CYFIP1: variants seen among roughly 807,000 people sequenced by gnomAD.
The protein encoded by CYFIP1 is cytoplasmic FMR1 interacting protein 1.
CYFIP1 carries 58 observed loss-of-function variants against 163.5 expected under a neutral mutation model. The observed-to-expected ratio is 0.35, with a 90% CI of 0.29 to 0.44. The LOEUF is 0.44. Ranked by LOEUF, CYFIP1 falls within the 20% of genes least tolerant of loss-of-function variation. The pLI, the probability that CYFIP1 is intolerant of heterozygous loss-of-function variation, is 1.00. For missense variants in CYFIP1, 1,338 were observed against 1,653.8 expected (o/e 0.81, Z 3.31); for synonymous variants, 663 against 660.7 (o/e 1.00, Z -0.05).
intron 17 of CYFIP1, among the ~76,000 whole-genome samples, chr15:22,913,221 G>A (rs1270658703): frequency 6.7e-6 from 1 of 149,324 alleles, no homozygotes; most frequent in Non-Finnish European, 1.5e-5. Flanking sequence ...AAAAAAGAAT[G>A]AACTGACTGG....
At chr15:22,962,042 C>T (rs1322478512) in intron 1 of CYFIP1, among the ~76,000 whole-genome samples, 5 of 152,120 alleles carry the variant, frequency 3.3e-5, no homozygotes, top group Non-Finnish European at 7.4e-5. Flanking sequence ...ATTGCTGTGG[C>T]CACTATGGGA....
chr15:22,934,294 C>T (rs1227956555), intron 9 of CYFIP1, among the ~76,000 whole-genome samples: 49 of 135,554 alleles, frequency 3.6e-4, no homozygotes, highest in Non-Finnish European at 2.0e-4. Flanking sequence ...TCACATCATT[C>T]TCCTGCCTCA....
chr15:22,877,414 A>G (rs2059617009), intron 26 of CYFIP1, among the ~76,000 whole-genome samples: 1 of 152,210 alleles, frequency 6.6e-6, no homozygotes, highest in African/African-American at 2.4e-5. Context: ...GCACTGCCAC[A>G]GCAACACAAA....
At position 22,951,530 on chromosome 15, in the gene CYFIP1, C is replaced by T. The variant is rs753320695; in HGVS notation, c.-6-4239G>A. 1.8e-5 allele frequency: 23 copies of T among 1,287,812 alleles called. No homozygotes were observed. The South Asian group carries it at 2.8e-4, about 16-fold the overall frequency. The allele number at this position is 1,287,812 out of a possible 1,614,324, so 79.8% of individuals were successfully genotyped here. A position where few individuals can be genotyped will look rare whatever the true frequency, so the allele number is the denominator to read the frequency against. ...GTGCTTCGGCCCCATAGGGGCTGCC[C>T]GTGTCCTGCGACTCCAGCCCAGAGT... On this transcript the variant is annotated intron_variant, in intron 1 of 30. Transcript: ENST00000617928.
chr15:22,886,076 T>A (rs559746687), intron 23 of CYFIP1, among the ~76,000 whole-genome samples: 2 of 152,192 alleles, frequency 1.3e-5, no homozygotes, highest in African/African-American at 4.8e-5. Flanking sequence ...GGCACCTTCT[T>A]CACAAGGTGG....
At chr15:22,965,288 G>A (rs1296310668) in intron 1 of CYFIP1, among the ~76,000 whole-genome samples, 1 of 152,070 alleles carries the variant, frequency 6.6e-6, no homozygotes, top group East Asian at 1.9e-4. Context: ...GTGAAACCTC[G>A]TCTCTACTAA....
chr15:22,897,280 T>C (rs1034274548), intron 22 of CYFIP1, among the ~76,000 whole-genome samples: 1 of 150,982 alleles, frequency 6.6e-6, no homozygotes, highest in Admixed American at 6.6e-5. Flanking sequence ...CTAACTAACA[T>C]ATATCTAACT....
chr15:22,872,299 AAAAAAAAAAAAG>A (rs1332635836), intron 30 of CYFIP1, among the ~76,000 whole-genome samples: 2 of 151,620 alleles, frequency 1.3e-5, no homozygotes, highest in African/African-American at 4.8e-5. Flanking sequence ...GTCTCAAAAA[AAAAAAAAAAAAG>A]AAAGAAAAAA....
chr15:22,927,095 G>A (rs2061378570), intron 12 of CYFIP1, among the ~76,000 whole-genome samples: 1 of 152,052 alleles, frequency 6.6e-6, no homozygotes, highest in Non-Finnish European at 1.5e-5. Context: ...CCAGCACTTT[G>A]GAAGGCCCAG....
intron 22 of CYFIP1, among the ~76,000 whole-genome samples, chr15:22,896,507 G>GT (rs1190655307): frequency 2.0e-5 from 3 of 151,598 alleles, no homozygotes; most frequent in African/African-American, 4.9e-5. Context: ...GGCCCTTCTC[G>GT]TTTTTTTCAT....
At chr15:22,955,374 G>T (rs2062409849) in intron 1 of CYFIP1, among the ~76,000 whole-genome samples, 1 of 152,364 alleles carries the variant, frequency 6.6e-6, no homozygotes, top group East Asian at 1.9e-4. Context: ...CACCCAGGGG[G>T]TCAAGGCCAG....
intron 2 of CYFIP1, 32 bp from the exon 3 acceptor site, chr15:22,947,124 G>A: frequency 6.2e-7 from 1 of 1,614,096 alleles, no homozygotes; most frequent in Non-Finnish European, 8.5e-7. Flanking sequence ...ACATCATGTG[G>A]GGTCGGAGCA....
chr15:22,915,322 G>A (rs909548405), intron 16 of CYFIP1, among the ~76,000 whole-genome samples: 2 of 151,948 alleles, frequency 1.3e-5, no homozygotes, highest in Non-Finnish European at 2.9e-5. Context: ...TGGGGGTCTC[G>A]CCATGTTGCC....
In CYFIP1 at chr15:22,880,072, G is replaced by A. The variant is rs73418419; in HGVS notation, c.2912-29C>T. The A allele has an allele frequency of 3.3e-3, 5,401 of 1,612,388 alleles. 149 individuals are homozygous for A. In the African/African-American group the frequency reaches 0.063, roughly 19 times the overall value. ...CGGTGGCGGGAGTGAGGTGGGGTTG[G>A]GGGACTGGAGGGGGCCGGGCCCTAG... is the stretch of plus-strand genomic sequence containing the variant. On this transcript the variant is annotated intron_variant, in intron 25 of 30. Transcript: ENST00000617928.
At chr15:22,915,973 T>A (rs1320532962) in intron 16 of CYFIP1, among the ~76,000 whole-genome samples, 4 of 152,118 alleles carry the variant, frequency 2.6e-5, no homozygotes, top group Non-Finnish European at 5.9e-5. Context: ...ACAGCAGGGA[T>A]CCTGTTCTGA....
rs570140461 is a variant in CYFIP1 at position 22,881,825 on chromosome 15, G to A, written c.2911+21C>T. The A allele has an allele frequency of 5.9e-5, 95 of 1,605,158 alleles. 1 individual carries two copies. In the South Asian group the frequency reaches 9.7e-4, roughly 16 times the overall value. The stretch of plus-strand genomic sequence containing the variant: ...GACCTCTCCACAGACAGCACTGTGA[G>A]CTCCACACGCCCGCACTCACCAGGA... On this transcript the variant is annotated intron_variant, in intron 25 of 30. Transcript: ENST00000617928.
chr15:22,951,351 C>A (rs1297479341), intron 1 of CYFIP1: 2 of 1,213,582 alleles, frequency 1.6e-6, no homozygotes, highest in Non-Finnish European at 2.1e-6. Context: ...GTTCCACACA[C>A]CTCAGAAAGG....
At position 22,903,910 on chromosome 15, in the gene CYFIP1, G is replaced by A; in HGVS notation, c.2389-5C>T. ...TTCCAACAGGCCATCCAGCTCCTGT[G>A]GCACCAAAGACAGGGGTGGGTGACA... On this transcript the variant is annotated splice_region_variant and splice_polypyrimidine_tract_variant and intron_variant, in intron 21 of 30. Transcript: ENST00000617928. 2 of 1,613,600 alleles carry A rather than the reference G, an allele frequency of 1.2e-6. No homozygotes were observed. The highest frequency in any genetic ancestry group is 1.7e-6 in the Non-Finnish European group (2 of 1,179,820).
chr15:22,944,730 G>A, intron 4 of CYFIP1, 71 bp from the exon 5 acceptor site: 3 of 1,525,650 alleles, frequency 2.0e-6, no homozygotes, highest in African/African-American at 1.4e-5. Context: ...GGCTTCTAGA[G>A]CTAGTGATCC....
Sources: allele counts gnomAD v4.1 joint callset (sites outside exome capture counted in the v4.1 genomes callset), GRCh38; gene constraint gnomAD v4.1.1; transcripts MANE v1.5; gene names NCBI Gene and HGNC (gene_info 2026-07-23, HGNC 2026-07-21).